Variants in GNAL observed in about 807,000 individuals in gnomAD.
The protein encoded by GNAL is guanine nucleotide-binding protein G(olf) subunit alpha.
A neutral mutation model predicts 55.1 loss-of-function variants in GNAL; 18 were observed. That is an observed-to-expected ratio of 0.33 (90% CI 0.23 to 0.48). The LOEUF is 0.48. Among genes scored for constraint, GNAL ranks in the 20% least tolerant of loss-of-function variants. The probability of loss-of-function intolerance (pLI) is 0.99; values close to 1 mark genes in which losing one functional copy is unlikely to be tolerated. For synonymous variants in GNAL, 253 were observed against 237.0 expected, an observed-to-expected ratio of 1.07 and a Z score of -0.62; for missense variants, 412 against 614.1, an observed-to-expected ratio of 0.67 and a Z score of 3.48.
intron 5 of GNAL, among the ~76,000 whole-genome samples, chr18:11,836,990 G>T (rs2035511774): frequency 6.6e-6 from 1 of 152,184 alleles, no homozygotes; most frequent in Non-Finnish European, 1.5e-5. Flanking sequence ...GTCTCGCTCT[G>T]TCACCCAGGC....
At chr18:11,880,196 G>A (rs1324019299) in intron 11 of GNAL, among the ~76,000 whole-genome samples, 1 of 151,516 alleles carries the variant, frequency 6.6e-6, no homozygotes, top group East Asian at 2.0e-4. Context: ...GGCAGAGGTT[G>A]CAGTGAGCCG....
At chr18:11,790,171 C>T (rs1344095059) in intron 4 of GNAL, among the ~76,000 whole-genome samples, 1 of 152,144 alleles carries the variant, frequency 6.6e-6, no homozygotes, top group East Asian at 1.9e-4. Context: ...CCTCCTCAAG[C>T]CAGTTGTTGG....
In GNAL at chr18:11,884,480, C is replaced by G. The variant is rs866006322; in HGVS notation, c.*3345C>G. ...TTACGCTTTCCGAGCAAGTTCAAAC[C>G]AGAAAGAAAAGGTGAGGCTAGAAGC... is the stretch of plus-strand genomic sequence containing the variant. On this transcript the variant is annotated 3_prime_UTR_variant, in exon 12 of 12. Transcript: ENST00000334049. 6.2e-7 allele frequency: 1 copy of G among 1,614,064 alleles called. No individual in the cohort carries two copies. The highest frequency in any genetic ancestry group is 1.1e-5 in the South Asian group (1 of 91,088).
intron 4 of GNAL, among the ~76,000 whole-genome samples, chr18:11,788,102 T>C (rs973769494): frequency 6.6e-6 from 1 of 152,146 alleles, no homozygotes; most frequent in African/African-American, 2.4e-5. Flanking sequence ...TTAGATATCT[T>C]ACACACCCCT....
chr18:11,705,859 G>A (rs1044053639), intron 1 of GNAL, among the ~76,000 whole-genome samples: 2 of 149,900 alleles, frequency 1.3e-5, no homozygotes, highest in African/African-American at 4.9e-5. Flanking sequence ...AGGTCCAGGC[G>A]ATTCCCCTGC....
intron 4 of GNAL, among the ~76,000 whole-genome samples, chr18:11,793,911 G>GAA (rs76942749): frequency 9.4e-5 from 10 of 106,396 alleles, no homozygotes; most frequent in South Asian, 3.3e-4. Context: ...TCCATCTCGG[G>GAA]AAAAAAAAAA....
Position 11,885,484 on chromosome 18 carries a change from C to A in GNAL, c.*4349C>A. 1.5e-6 allele frequency: 1 copy of A among 661,152 alleles called. No individual in the cohort carries two copies. Among genetic ancestry groups the A allele is most frequent in the Non-Finnish European group, 2.6e-6 (1 of 391,294 alleles). The allele number at this position is 661,152 out of a possible 1,614,324, so 41.0% of individuals were successfully genotyped here. ...GCCCTCGCTTCTCACATTAACTGCCCAGGAATGTCATGCTGATTGGTTCCC... is the reference window on the plus strand; with the variant it reads ...GCCCTCGCTTCTCACATTAACTGCCAAGGAATGTCATGCTGATTGGTTCCC... On this transcript the variant is annotated 3_prime_UTR_variant, in exon 12 of 12. Transcript: ENST00000334049.
At chr18:11,837,700 A>G (rs1458434124) in intron 5 of GNAL, among the ~76,000 whole-genome samples, 1 of 152,216 alleles carries the variant, frequency 6.6e-6, no homozygotes, top group Admixed American at 6.5e-5. Flanking sequence ...TTGGAAAACA[A>G]ACTGGTAGTT....
At chr18:11,776,323 T>A (rs2033782836) in intron 4 of GNAL, among the ~76,000 whole-genome samples, 1 of 152,208 alleles carries the variant, frequency 6.6e-6, no homozygotes, top group Non-Finnish European at 1.5e-5. Flanking sequence ...GAAGTTTTTT[T>A]AATATATAAA....
chr18:11,808,993 G>A (rs1233402924), intron 4 of GNAL, among the ~76,000 whole-genome samples: 3 of 152,160 alleles, frequency 2.0e-5, no homozygotes, highest in Non-Finnish European at 2.9e-5. Context: ...ATGGTGGCTC[G>A]TGCCTATAAA....
At chr18:11,840,947 C>T (rs1309252136) in intron 5 of GNAL, among the ~76,000 whole-genome samples, 2 of 150,644 alleles carry the variant, frequency 1.3e-5, no homozygotes, top group South Asian at 2.1e-4. Flanking sequence ...GATCACAGCT[C>T]ACTGCGGCCT....
At chr18:11,847,249 A>C (rs1267438803) in intron 5 of GNAL, among the ~76,000 whole-genome samples, 2 of 152,136 alleles carry the variant, frequency 1.3e-5, no homozygotes, top group African/African-American at 4.8e-5. Flanking sequence ...CTCAGCAAAC[A>C]CAAATATATG....
chr18:11,880,114 A>G (rs1027158539), intron 11 of GNAL, among the ~76,000 whole-genome samples: 38 of 150,178 alleles, frequency 2.5e-4, no homozygotes, highest in South Asian at 4.6e-4. Context: ...AAAAGTAGCC[A>G]GGCGTGGTGG....
intron 1 of GNAL, among the ~76,000 whole-genome samples, chr18:11,740,936 A>G (rs559472264): frequency 6.6e-6 from 1 of 152,358 alleles, no homozygotes; most frequent in African/African-American, 2.4e-5. Context: ...TCTCTGAGAA[A>G]GGCTCATAGT....
chr18:11,773,904 T>C (rs1379612620), intron 4 of GNAL, among the ~76,000 whole-genome samples: 4 of 152,200 alleles, frequency 2.6e-5, no homozygotes, highest in Admixed American at 6.5e-5. Context: ...GACTTTGCAA[T>C]TGGTCTCACC....
intron 1 of GNAL, among the ~76,000 whole-genome samples, chr18:11,696,159 A>G (rs2143296686): frequency 6.6e-6 from 1 of 152,288 alleles, no homozygotes; most frequent in Admixed American, 6.5e-5. Context: ...CAAAGTCAGA[A>G]GAAATCCCAG....
chr18:11,803,005 G>A (rs572476387), intron 4 of GNAL, among the ~76,000 whole-genome samples: 10 of 152,200 alleles, frequency 6.6e-5, no homozygotes, highest in African/African-American at 2.4e-4. Flanking sequence ...GAGGCTTTAG[G>A]TTTCACTTGG....
chr18:11,710,672 G>T (rs2031815528), intron 1 of GNAL, among the ~76,000 whole-genome samples: 1 of 151,158 alleles, frequency 6.6e-6, no homozygotes. Flanking sequence ...CAGGTATAGT[G>T]TTCTTTGGTT....
chr18:11,793,577 G>T (rs1244826428), intron 4 of GNAL, among the ~76,000 whole-genome samples: 14 of 151,744 alleles, frequency 9.2e-5, no homozygotes, highest in Non-Finnish European at 2.9e-5. Flanking sequence ...GCAAGATCCT[G>T]TCTCTAAAAA....
Sources: gnomAD v4.1 joint callset for allele counts (sites outside exome capture counted in the v4.1 genomes callset) on GRCh38, gnomAD v4.1.1 for gene constraint, MANE v1.5 for transcripts, NCBI Gene and HGNC (gene_info 2026-07-23, HGNC 2026-07-21) for gene names.